The following GDI2 variants were observed in gnomAD, a reference collection of about 807,000 sequenced individuals.
GDI2 encodes GDP dissociation inhibitor 2, also known as rab GDP dissociation inhibitor beta.
Under a neutral mutation model 54.2 loss-of-function variants are expected in GDI2, and 22 were observed. The observed-to-expected ratio is 0.41, with a 90% CI of 0.29 to 0.58. GDI2 has a LOEUF of 0.58. Among genes scored for constraint, GDI2 ranks in the 20% least tolerant of loss-of-function variants. The probability of loss-of-function intolerance (pLI) is 0.35; values close to 1 mark genes in which losing one functional copy is unlikely to be tolerated. For missense variants in GDI2, 422 were observed against 546.0 expected (o/e 0.77, Z 2.26); for synonymous variants, 177 against 182.1 (o/e 0.97, Z 0.23).
At chr10:5,784,889 G>A (rs921543746) in intron 6 of GDI2, among the ~76,000 whole-genome samples, 1 of 152,200 alleles carries the variant, frequency 6.6e-6, no homozygotes, top group African/African-American at 2.4e-5. Flanking sequence ...TAAGTGCGCT[G>A]GTTTTGTATT....
chr10:5,781,883 C>A (rs774248916), intron 6 of GDI2, among the ~76,000 whole-genome samples: 2 of 150,690 alleles, frequency 1.3e-5, no homozygotes, highest in Admixed American at 6.6e-5. Context: ...CGTGGTGGCA[C>A]ATGCCTGTAG....
chr10:5,808,904 T>C (rs958775322), intron 1 of GDI2, among the ~76,000 whole-genome samples: 1 of 152,130 alleles, frequency 6.6e-6, no homozygotes, highest in Admixed American at 6.5e-5. Flanking sequence ...ATGGCTGTTT[T>C]ATGAAGAATG....
At chr10:5,784,465 A>G (rs1352715960) in intron 6 of GDI2, among the ~76,000 whole-genome samples, 1 of 152,158 alleles carries the variant, frequency 6.6e-6, no homozygotes, top group East Asian at 1.9e-4. Flanking sequence ...ATTGCTGGTA[A>G]GCTAGTGTGA....
intron 1 of GDI2, among the ~76,000 whole-genome samples, chr10:5,810,258 T>C (rs946803662): frequency 1.3e-5 from 2 of 152,226 alleles, no homozygotes; most frequent in Non-Finnish European, 2.9e-5. Context: ...TATATTTCTA[T>C]TCATAAATTC....
At chr10:5,800,972 TAG>T (rs1046451023) in intron 1 of GDI2, among the ~76,000 whole-genome samples, 2 of 152,026 alleles carry the variant, frequency 1.3e-5, no homozygotes, top group African/African-American at 4.8e-5. Context: ...TTTTTTGAGA[TAG>T]AGTTTCACTC....
intron 1 of GDI2, among the ~76,000 whole-genome samples, 183 bp from the exon 2 acceptor site, chr10:5,800,888 T>C (rs1213909535): frequency 6.6e-6 from 1 of 152,194 alleles, no homozygotes; most frequent in East Asian, 1.9e-4. Context: ...TGGGCTCCTA[T>C]GCATCCCAAG....
chr10:5,785,047 A>G, intron 6 of GDI2, 95 bp downstream of exon 6: 2 of 755,712 alleles, frequency 2.6e-6, no homozygotes, highest in Non-Finnish European at 2.0e-6. Flanking sequence ...TTACTCATAG[A>G]CTGATCTCAT....
At position 5,802,271 on chromosome 10, in the gene GDI2, C is replaced by G. The variant is rs576131903; in HGVS notation, c.46-1566G>C. The stretch of plus-strand genomic sequence containing the variant: ...CCTAAAGGAAAATAACTGACACGTG[C>G]TGCCAATAAGTCAAATTTTAAATGA... On this transcript the variant is annotated intron_variant, in intron 1 of 10. Transcript: ENST00000380191. Among the ~76,000 whole-genome samples the G allele has an allele frequency of 9.2e-5, 14 of 152,220 alleles. 1 individual carries two copies. The South Asian group carries it at 2.9e-3, about 32-fold the overall frequency.
chr10:5,776,660 G>C lies in GDI2; in HGVS notation c.720-2719C>G. Reference sequence around the variant, plus strand: ...AGAAAAGGAGCTGGATGTAGATGCTGATTTTGTAGAAAAGTCAGAGTTATG... The same window carrying C: ...AGAAAAGGAGCTGGATGTAGATGCTCATTTTGTAGAAAAGTCAGAGTTATG... On this transcript the variant is annotated intron_variant, in intron 6 of 10. Transcript: ENST00000380191. The surrounding 1 kb of genome is among the most constrained non-coding windows in gnomAD (Gnocchi z 5.3). 6.8e-7 allele frequency: 1 copy of C among 1,472,540 alleles called. No homozygotes were observed. The highest frequency in any genetic ancestry group is 9.5e-7 in the Non-Finnish European group (1 of 1,057,300). The allele number at this position is 1,472,540 out of a possible 1,614,324, so 91.2% of individuals were successfully genotyped here.
intron 1 of GDI2, among the ~76,000 whole-genome samples, chr10:5,805,527 T>A (rs1003428612): frequency 6.6e-6 from 1 of 151,984 alleles, no homozygotes. Context: ...ACTACAGACA[T>A]GTGCCACCAC....
intron 1 of GDI2, among the ~76,000 whole-genome samples, chr10:5,812,572 A>C (rs1281969953): frequency 6.6e-6 from 1 of 150,610 alleles, no homozygotes. Flanking sequence ...CCAATTCTAC[A>C]GATGCTCAGT....
At position 5,811,960 on chromosome 10, in the gene GDI2, T is replaced by TAA. The variant is rs146282355; in HGVS notation, c.45+1252_45+1253dup. 9.6e-3 allele frequency: 6,327 copies of TAA among 660,520 alleles called. 14 individuals carry two copies. The highest frequency in any genetic ancestry group is 0.027 in the African/African-American group (1,176 of 44,286). 40.9% of individuals were successfully genotyped at this position (660,520 alleles called of 1,614,324 possible). A position where few individuals can be genotyped will look rare whatever the true frequency, so the allele number is the denominator to read the frequency against. On this transcript the variant is annotated intron_variant, in intron 1 of 10. Coordinates refer to ENST00000380191, the MANE Select transcript of GDI2 (RefSeq NM_001494.4). ...AAGTGTTATTTTGGGATGTTACCTG[T>TAA]AAAAAAAAAAAAAAAAATTGGTTTG...
intron 7 of GDI2, among the ~76,000 whole-genome samples, chr10:5,769,799 A>C (rs773287908): frequency 3.3e-5 from 5 of 152,242 alleles, no homozygotes; most frequent in South Asian, 4.1e-4. Flanking sequence ...AAAATGGTCC[A>C]GCCACTATGG....
At chr10:5,786,165 A>ATTTTTTTTTTTTTTTTTTTTTTTT in intron 4 of GDI2, 115 bp from the exon 5 acceptor site, 1 of 332,572 alleles carries the variant, frequency 3.0e-6, no homozygotes, top group Non-Finnish European at 5.2e-6. Context: ...GCAGGATGCA[A>ATTTTTTTTTTTTTTTTTTTTTTTT]TTTTTTTTTT....
chr10:5,772,748 C>T (rs1225828406), intron 7 of GDI2, among the ~76,000 whole-genome samples: 1 of 152,092 alleles, frequency 6.6e-6, no homozygotes, highest in Non-Finnish European at 1.5e-5. Context: ...CAGAGCAAAA[C>T]GATTTGATGT....
At chr10:5,767,735 G>T (rs1238708349) in intron 8 of GDI2, among the ~76,000 whole-genome samples, 1 of 152,118 alleles carries the variant, frequency 6.6e-6, no homozygotes, top group Non-Finnish European at 1.5e-5. Flanking sequence ...AACATCGAAG[G>T]GTTACAAACA....
intron 7 of GDI2, among the ~76,000 whole-genome samples, chr10:5,772,927 T>C (rs1380375146): frequency 3.9e-5 from 6 of 152,198 alleles, no homozygotes; most frequent in African/African-American, 1.4e-4. Flanking sequence ...TGTGCCCTTG[T>C]AGATGTTTCT....
chr10:5,790,269 T>C (rs1169674608), intron 4 of GDI2, among the ~76,000 whole-genome samples: 3 of 152,202 alleles, frequency 2.0e-5, no homozygotes, highest in Non-Finnish European at 4.4e-5. Context: ...GTACTGTAAA[T>C]GTACTTTCTC....
intron 6 of GDI2, among the ~76,000 whole-genome samples, chr10:5,779,275 C>T (rs1365793824): frequency 6.6e-6 from 1 of 152,028 alleles, no homozygotes; most frequent in Non-Finnish European, 1.5e-5. Context: ...GTTTGGGAGG[C>T]TGAGGCGGGC....
Sources: allele counts gnomAD v4.1 joint callset (sites outside exome capture counted in the v4.1 genomes callset), GRCh38; gene constraint gnomAD v4.1.1; non-coding constraint Gnocchi (gnomAD v3.1); transcripts MANE v1.5; gene names NCBI Gene and HGNC (gene_info 2026-07-23, HGNC 2026-07-21).